Variants in ARHGEF10 observed in about 807,000 individuals in gnomAD.
The protein encoded by ARHGEF10 is Rho guanine nucleotide exchange factor 10, also known as Rho guanine nucleotide exchange factor (GEF) 10.
ARHGEF10 carries 140 observed loss-of-function variants against 147.4 expected under a neutral mutation model. That is an observed-to-expected ratio of 0.95 (90% CI 0.83 to 1.09). ARHGEF10 has a LOEUF of 1.09. Ranked by LOEUF, ARHGEF10 falls within the 50% of genes least tolerant of loss-of-function variation. The pLI is 0.00. For synonymous variants in ARHGEF10, 902 were observed against 695.8 expected (o/e 1.30, Z -4.67); for missense variants, 2,222 against 1,752.7 (o/e 1.27, Z -4.78).
Position 1,952,741 on chromosome 8 carries a change from G to A in ARHGEF10, c.3434G>A (p.Cys1145Tyr). The A allele has an allele frequency of 3.7e-6, 6 of 1,613,330 alleles. No individual in the cohort carries two copies. Among genetic ancestry groups the A allele is most frequent in the Non-Finnish European group, 5.1e-6 (6 of 1,180,020 alleles). Residue 1145 changes from cysteine (C) to tyrosine (Y), a missense_variant, in exon 28 of 29, where the codon TGC becomes TAC. By Grantham distance (194) the Cys-to-Tyr change is radical. Transcript: ENST00000349830. ...QRLSVTSLLV[C>Y]HGLLMVGTSL... ...CTGTCGGTGACGAGCCTGCTCGTCT[G>A]CCACGGATTGCTGATGGTCGGCACC...
chr8:1,955,880 G>A (rs1292628799), intron 28 of ARHGEF10, among the ~76,000 whole-genome samples: 1 of 152,244 alleles, frequency 6.6e-6, no homozygotes, highest in Admixed American at 6.5e-5. Context: ...GGTGATGAGC[G>A]GGCCTGTCCC....
chr8:1,887,080 G>A (rs953525280), intron 11 of ARHGEF10, among the ~76,000 whole-genome samples: 1 of 152,190 alleles, frequency 6.6e-6, no homozygotes, highest in African/African-American at 2.4e-5. Flanking sequence ...AGGATGACAC[G>A]CTGGCCAGTC....
intron 12 of ARHGEF10, 52 bp from the exon 13 acceptor site, chr8:1,894,341 C>T: frequency 6.2e-7 from 1 of 1,600,136 alleles, no homozygotes; most frequent in Non-Finnish European, 8.6e-7. Flanking sequence ...CAAAACAAGA[C>T]CCAGGCTCTG....
chr8:1,949,447 G>A (rs546714326), intron 27 of ARHGEF10, among the ~76,000 whole-genome samples: 24 of 152,322 alleles, frequency 1.6e-4, no homozygotes, highest in African/African-American at 5.3e-4. Flanking sequence ...AGTTTACAGC[G>A]AGTGAGTTCA....
In ARHGEF10 at chr8:1,957,095, C is replaced by G. The variant is rs766750186; in HGVS notation, c.3867C>G (p.Val1289=). The change falls in exon 29 of 29, where the codon GTC becomes GTG. Residue 1289 remains valine (V), a synonymous_variant. Transcript: ENST00000349830. ...STIYDLLKDP[V]SLRSKARRAK... is the part of the protein sequence containing the mutation. ...TCTATGATCTCCTGAAGGATCCTGTCTCGCTGAGAAGCAAAGCACGCCGGG... is the reference window on the plus strand; with the variant it reads ...TCTATGATCTCCTGAAGGATCCTGTGTCGCTGAGAAGCAAAGCACGCCGGG... 4.0e-5 allele frequency: 64 copies of G among 1,613,282 alleles called. No homozygotes were observed. Among genetic ancestry groups the G allele is most frequent in the South Asian group, 1.6e-4 (15 of 91,088 alleles).
chr8:1,920,557 G>T (rs929033963), intron 18 of ARHGEF10, among the ~76,000 whole-genome samples: 16 of 151,958 alleles, frequency 1.1e-4, no homozygotes, highest in African/African-American at 3.9e-4. Context: ...TGAATTCTTG[G>T]CCTTTAGCAG....
At chr8:1,838,163 G>T (rs1803704361) in intron 1 of ARHGEF10, among the ~76,000 whole-genome samples, 1 of 152,210 alleles carries the variant, frequency 6.6e-6, no homozygotes, top group South Asian at 2.1e-4. Context: ...TGCCGGGGGT[G>T]CCTGGTGCCT....
chr8:1,875,546 G>C lies in ARHGEF10; in HGVS notation c.680-1025G>C, dbSNP rs141216417. On this transcript the variant is annotated intron_variant, in intron 7 of 28. Coordinates refer to ENST00000349830, the MANE Select transcript of ARHGEF10 (RefSeq NM_014629.4). ...TGCCCGGGTGGTGATCATTGTCCGT[G>C]GCACACAGAACACACTGCAGCTTCT... Among the ~76,000 whole-genome samples, 617 of 152,278 alleles carry C rather than the reference G, an allele frequency of 4.1e-3. 6 individuals carry two copies. Among genetic ancestry groups the C allele is most frequent in the African/African-American group, 0.014 (587 of 41,540 alleles).
Position 1,876,564 on chromosome 8 carries a change from C to T in ARHGEF10, c.680-7C>T, listed in dbSNP as rs1299974902. On this transcript the variant is annotated splice_polypyrimidine_tract_variant and splice_region_variant and intron_variant, in intron 7 of 28. Coordinates refer to ENST00000349830, the MANE Select transcript of ARHGEF10 (RefSeq NM_014629.4). The stretch of plus-strand genomic sequence containing the variant: ...TTTTAATTTCATTTTGGAATTTATG[C>T]ACTCAGATGAAATGATTTATGATGA... The T allele has an allele frequency of 1.2e-6, 2 of 1,613,506 alleles. No individual in the cohort carries two copies. The highest frequency in any genetic ancestry group is 2.2e-5 in the South Asian group (2 of 91,072).
intron 9 of ARHGEF10, among the ~76,000 whole-genome samples, chr8:1,881,862 C>T (rs576889060): frequency 6.6e-5 from 10 of 152,250 alleles, no homozygotes; most frequent in African/African-American, 2.4e-4. Context: ...ATCGGTTGTC[C>T]CATAAGAGAT....
intron 10 of ARHGEF10, among the ~76,000 whole-genome samples, chr8:1,884,685 A>G (rs1355428682): frequency 6.6e-6 from 1 of 152,190 alleles, no homozygotes; most frequent in African/African-American, 2.4e-5. Flanking sequence ...ATCATCTAAA[A>G]GTGCCTGTGC....
intron 6 of ARHGEF10, 39 bp downstream of exon 6, chr8:1,866,641 C>A: frequency 1.3e-6 from 2 of 1,583,358 alleles, no homozygotes; most frequent in Non-Finnish European, 1.7e-6. Flanking sequence ...ATCCTCACCA[C>A]GCTCCACAGA....
At chr8:1,923,951 G>T (rs903027802) in intron 21 of ARHGEF10, 77 bp downstream of exon 21, 11 of 1,385,948 alleles carry the variant, frequency 7.9e-6, no homozygotes, top group South Asian at 4.7e-5. Flanking sequence ...TGAGGTCAGG[G>T]TTGAGAAGGA....
At position 1,894,581 on chromosome 8, in the gene ARHGEF10, G is replaced by C. The variant is rs1809820521; in HGVS notation, c.1440+9G>C. 6.2e-7 allele frequency: 1 copy of C among 1,613,848 alleles called. No individual in the cohort carries two copies. Among genetic ancestry groups the C allele is most frequent in the East Asian group, 2.2e-5 (1 of 44,882 alleles). ...ATGTCTTCGTGGCTTCGGTAATTAA[G>C]CTGGGACACCTGGATGTCCATGGGG... On this transcript the variant is annotated intron_variant, in intron 13 of 28. Transcript: ENST00000349830.
intron 23 of ARHGEF10, chr8:1,926,894 G>A (rs1198193175): frequency 6.7e-6 from 2 of 296,808 alleles, no homozygotes; most frequent in Admixed American, 1.0e-4. Flanking sequence ...TGCAGTAGAC[G>A]TTCCTGGTTC....
intron 18 of ARHGEF10, among the ~76,000 whole-genome samples, chr8:1,917,784 C>CT (rs577250362): frequency 2.1e-3 from 311 of 151,100 alleles, no homozygotes; most frequent in Admixed American, 3.2e-3. Context: ...CTTTTCTTTT[C>CT]TTTTTTTTGA....
chr8:1,848,812 G>C (rs1427129833), intron 2 of ARHGEF10, among the ~76,000 whole-genome samples: 3 of 151,978 alleles, frequency 2.0e-5, no homozygotes, highest in African/African-American at 7.3e-5. Flanking sequence ...ACTTTTAAAT[G>C]CCGTTAATAT....
intron 25 of ARHGEF10, among the ~76,000 whole-genome samples, chr8:1,933,071 G>C (rs1168148950): frequency 2.6e-5 from 4 of 152,218 alleles, no homozygotes; most frequent in Non-Finnish European, 5.9e-5. Context: ...TTGATATAAA[G>C]TGTGAAAGAC....
Position 1,859,973 on chromosome 8 carries a change from C to T in ARHGEF10, c.270C>T (p.Asn90=), listed in dbSNP as rs1805958881. 3 of 1,614,056 alleles carry T rather than the reference C, an allele frequency of 1.9e-6. No individual in the cohort carries two copies. The highest frequency in any genetic ancestry group is 2.2e-5 in the East Asian group (1 of 44,882). ...AGCTGGTGCTCCCGATGAAAGTCAA[C>T]CCATATTCTGTCATCGACATCACGC... ...PTKLVLPMKV[N]PYSVIDITPF... Residue 90 remains asparagine (N), a synonymous_variant, in exon 4 of 29, where the codon AAC becomes AAT. Coordinates refer to ENST00000349830, the MANE Select transcript of ARHGEF10 (RefSeq NM_014629.4).
Sources: gnomAD v4.1 joint callset for allele counts (sites outside exome capture counted in the v4.1 genomes callset) on GRCh38, gnomAD v4.1.1 for gene constraint, MANE v1.5 for transcripts, NCBI Gene and HGNC (gene_info 2026-07-23, HGNC 2026-07-21) for gene names.